COL7A1: variants seen among roughly 807,000 people sequenced by gnomAD.
COL7A1 encodes collagen alpha-1(VII) chain.
COL7A1 carries 296 observed loss-of-function variants against 456.2 expected under a neutral mutation model. The observed-to-expected ratio is 0.65, with a 90% CI of 0.59 to 0.71. The LOEUF is 0.71. COL7A1 is among the 30% of genes least tolerant of loss of function. The probability of loss-of-function intolerance (pLI) is 0.00; values close to 1 mark genes in which losing one functional copy is unlikely to be tolerated. For missense variants in COL7A1, 3,441 were observed against 4,017.2 expected, an observed-to-expected ratio of 0.86 and a Z score of 3.88; for synonymous variants, 1,464 against 1,525.9, an observed-to-expected ratio of 0.96 and a Z score of 0.95.
intron 65 of COL7A1, among the ~76,000 whole-genome samples, chr3:48,577,291 T>A (rs549486245): frequency 3.4e-4 from 52 of 152,360 alleles, no homozygotes; most frequent in African/African-American, 1.1e-3. Flanking sequence ...CATTTATGCA[T>A]CTCTGGGTTG....
chr3:48,573,604 C>G lies in COL7A1; in HGVS notation c.6574-47G>C. On this transcript the variant is annotated intron_variant, in intron 82 of 118. Coordinates refer to ENST00000681320, the MANE Select transcript of COL7A1 (RefSeq NM_000094.4). The surrounding 1 kb of genome is among the most constrained non-coding windows in gnomAD (Gnocchi z 5.5). ...AGGGAACAGGGCTCAGGGATTAACACAGAGAAGGCCTGGCTCATCAGCTGT... is the reference window on the plus strand; with the variant it reads ...AGGGAACAGGGCTCAGGGATTAACAGAGAGAAGGCCTGGCTCATCAGCTGT... 1 of 1,613,862 alleles carries G rather than the reference C, an allele frequency of 6.2e-7. No individual in the cohort carries two copies. Among genetic ancestry groups the G allele is most frequent in the Non-Finnish European group, 8.5e-7 (1 of 1,179,856 alleles).
chr3:48,569,409 C>G lies in COL7A1; in HGVS notation c.7652G>C (p.Gly2551Ala). The change falls in exon 103 of 119, where the codon GGA becomes GCA. Residue 2551 changes from glycine (G) to alanine (A), a missense_variant. By Grantham distance (60) the Gly-to-Ala change is moderately conservative (BLOSUM62 0). Coordinates refer to ENST00000681320, the MANE Select transcript of COL7A1 (RefSeq NM_000094.4). This position sits in a 1 kb window ranked among gnomAD's most constrained non-coding sequence, Gnocchi z 4.9. ...AGGGTCCCCATTGTCTCCCCGAGGT[C>G]CTTTGTCACCATCCAAGCCCCGAGG... ...RGPRGLDGDKGPRGDNGDPGD... is the reference protein window; with the variant it reads ...RGPRGLDGDKAPRGDNGDPGD... 6.2e-7 allele frequency: 1 copy of G among 1,614,182 alleles called. No homozygotes were observed. Among genetic ancestry groups the G allele is most frequent in the East Asian group, 2.2e-5 (1 of 44,876 alleles).
rs1197696495 is a variant in COL7A1 at position 48,580,260 on chromosome 3, C to T, written c.5097+40G>A. 1 of 1,603,620 alleles carries T rather than the reference C, an allele frequency of 6.2e-7. No individual in the cohort carries two copies. The highest frequency in any genetic ancestry group is 1.1e-5 in the South Asian group (1 of 89,610). On this transcript the variant is annotated intron_variant, in intron 56 of 118. Coordinates refer to ENST00000681320, the MANE Select transcript of COL7A1 (RefSeq NM_000094.4). The surrounding 1 kb of genome is among the most constrained non-coding windows in gnomAD (Gnocchi z 4.5). ...CACACTGGCAGCAGCGCCAGGGGAC[C>T]CTCCATCCCTTCTGAGCCCAGGACA...
rs751543889 is a variant in COL7A1, at chr3:48,590,440, C to A, written c.1906+19G>T. 1 of 1,614,114 alleles carries A rather than the reference C, an allele frequency of 6.2e-7. No homozygotes were observed. The highest frequency in any genetic ancestry group is 1.1e-5 in the South Asian group (1 of 91,082). On this transcript the variant is annotated intron_variant, in intron 15 of 118. Coordinates refer to ENST00000681320, the MANE Select transcript of COL7A1 (RefSeq NM_000094.4). This position sits in a 1 kb window ranked among gnomAD's most constrained non-coding sequence, Gnocchi z 4.6. ...CTCATTGGTCCCTTTGGCAGTCCCC[C>A]CACACACCCCACACTGACCACTGCC...
rs781342109 is a variant in COL7A1, at chr3:48,576,405, C to T, written c.5767G>A (p.Glu1923Lys). Residue 1923 changes from glutamate to lysine, a missense_variant, in exon 70 of 119, where the codon GAG becomes AAG. Glu to Lys is a moderately conservative substitution (Grantham distance 56). Around this residue, in one of 3 missense-constraint regions of COL7A1, gnomAD observed 2,084 missense variants for 2,501.3 expected, o/e 0.83. Coordinates refer to ENST00000681320, the MANE Select transcript of COL7A1 (RefSeq NM_000094.4). ...GGAAAAGGTGGGGGCCTCACCTGCT[C>T]CCCTTTGGATCCAGTCTCCCCACGG... ...GDRGETGSKG[E>K]QGLPGERGLR... The T allele has an allele frequency of 3.3e-5, 53 of 1,613,670 alleles. No homozygotes were observed. In the South Asian group the frequency reaches 5.6e-4, roughly 17 times the overall value.
Position 48,586,086 on chromosome 3 carries a change from G to C in COL7A1, c.3711C>G (p.Ser1237=), listed in dbSNP as rs1211315906. Reference sequence around the variant, plus strand: ...GCCTCTTCCAAACCTGAGTAGTGAAGGATGCCTGACACAGGGCTGTGGCCA... The same window carrying C: ...GCCTCTTCCAAACCTGAGTAGTGAACGATGCCTGACACAGGGCTGTGGCCA... ...SGLATALCQA[S]FTTQPRPEPC... is the part of the protein sequence containing the mutation. The change falls in exon 28 of 119, where the codon TCC becomes TCG. Residue 1237 remains serine (S), a synonymous_variant. Transcript: ENST00000681320. The surrounding 1 kb of genome is among the most constrained non-coding windows in gnomAD (Gnocchi z 5.1). 1.2e-6 allele frequency: 2 copies of C among 1,613,476 alleles called. No homozygotes were observed. Among genetic ancestry groups the C allele is most frequent in the African/African-American group, 1.3e-5 (1 of 74,938 alleles).
chr3:48,591,451 GCGTCCACCT>G lies in COL7A1; in HGVS notation c.1636+4_1636+12del, dbSNP rs2045692072. On this transcript the variant is annotated splice_donor_5th_base_variant and intron_variant, in intron 13 of 118. Coordinates refer to ENST00000681320, the MANE Select transcript of COL7A1 (RefSeq NM_000094.4). The surrounding 1 kb of genome is among the most constrained non-coding windows in gnomAD (Gnocchi z 7.0). The stretch of plus-strand genomic sequence containing the variant: ...AGTGTGTGTGGTGGGGGTGCTGGCT[GCGTCCACCT>G]CACCCTGGGTGCTGCGCACAATGAT... 1 of 1,612,356 alleles carries G rather than the reference GCGTCCACCT, an allele frequency of 6.2e-7. No homozygotes were observed. The highest frequency in any genetic ancestry group is 1.3e-5 in the African/African-American group (1 of 74,868).
At position 48,570,862 on chromosome 3, in the gene COL7A1, C is replaced by A. The variant is rs781689640; in HGVS notation, c.7271G>T (p.Arg2424Leu). 6.2e-7 allele frequency: 1 copy of A among 1,609,932 alleles called. No homozygotes were observed. Among genetic ancestry groups the A allele is most frequent in the African/African-American group, 1.3e-5 (1 of 75,018 alleles). ...EMGQPGPSGE[R>L]GLAGPPGREG... ...TACATGCTGTTCCCAGCCCCTCACCCGCTCTCCACTAGGGCCTGGCTGACC... is the reference window on the plus strand; with the variant it reads ...TACATGCTGTTCCCAGCCCCTCACCAGCTCTCCACTAGGGCCTGGCTGACC... Residue 2424 changes from arginine (R) to leucine (L), a missense_variant and splice_region_variant, in exon 95 of 119, where the codon CGG (arginine) becomes CTG (leucine). Transcript: ENST00000681320. The surrounding 1 kb of genome is among the most constrained non-coding windows in gnomAD (Gnocchi z 5.5).
At position 48,571,468 on chromosome 3, in the gene COL7A1, G is replaced by A. The variant is rs774470412; in HGVS notation, c.7069-190C>T. ...CCTATCTCAGGACAGCACAGACAGA[G>A]GGACGCTCAGATACTACCATAGACA... On this transcript the variant is annotated intron_variant, in intron 92 of 118. Coordinates refer to ENST00000681320, the MANE Select transcript of COL7A1 (RefSeq NM_000094.4). The surrounding 1 kb of genome is among the most constrained non-coding windows in gnomAD (Gnocchi z 4.6). 8 of 753,752 alleles carry A rather than the reference G, an allele frequency of 1.1e-5. No homozygotes were observed. Among genetic ancestry groups the A allele is most frequent in the Non-Finnish European group, 1.7e-5 (7 of 419,730 alleles). 46.7% of individuals were successfully genotyped at this position (753,752 alleles called of 1,614,324 possible). A position where few individuals can be genotyped will look rare whatever the true frequency, so the allele number is the denominator to read the frequency against.
In COL7A1 at chr3:48,587,575, C is replaced by T. The variant is rs745627185; in HGVS notation, c.2858-21G>A. The T allele has an allele frequency of 5.0e-6, 8 of 1,613,234 alleles. No individual in the cohort carries two copies. In the East Asian group the frequency reaches 1.1e-4, roughly 22 times the overall value. ...TGACTCTGAAGGAGGAATGAAAGAT[C>T]GAGGATCAGAGGCTGAGTCCTGAGA... is the stretch of plus-strand genomic sequence containing the variant. On this transcript the variant is annotated intron_variant, in intron 22 of 118. Transcript: ENST00000681320. The surrounding 1 kb of genome is among the most constrained non-coding windows in gnomAD (Gnocchi z 6.1).
rs145782204 is a variant in COL7A1 at position 48,576,768 on chromosome 3, G to A, written c.5608C>T (p.Arg1870Cys). ...CCACGCTCACCCTTGGGGCCATCAC[G>A]ACCCTGTGAAGGATGCAGCCAGCAT... Reference protein sequence around the residue: ...GDSGASGREGRDGPKGERGAP... With the variant: ...GDSGASGREGCDGPKGERGAP... The change falls in exon 68 of 119, where the codon CGT becomes TGT. Residue 1870 changes from arginine (R) to cysteine (C), a missense_variant. Physicochemically the swap from Arg to Cys is radical, Grantham distance 180 (BLOSUM62 -3). Coordinates refer to ENST00000681320, the MANE Select transcript of COL7A1 (RefSeq NM_000094.4). The A allele has an allele frequency of 7.7e-5, 124 of 1,613,408 alleles. No individual in the cohort carries two copies. The highest frequency in any genetic ancestry group is 8.9e-5 in the East Asian group (4 of 44,878).
chr3:48,576,741 C>G lies in COL7A1; in HGVS notation c.5635G>C (p.Ala1879Pro). Residue 1879 changes from alanine (A) to proline (P), a missense_variant, in exon 68 of 119, where the codon GCT becomes CCT. This residue lies in a region of COL7A1 where 2,084 missense variants were observed against 2,501.3 expected (regional missense o/e 0.83). Transcript: ENST00000681320. ...CCCTGGGGTCCAAGGATACCAGGAGCTCCACGCTCACCCTTGGGGCCATCA... is the reference window on the plus strand; with the variant it reads ...CCCTGGGGTCCAAGGATACCAGGAGGTCCACGCTCACCCTTGGGGCCATCA... ...GRDGPKGERG[A>P]PGILGPQGPP... 6.2e-7 allele frequency: 1 copy of G among 1,612,438 alleles called. No individual in the cohort carries two copies. The highest frequency in any genetic ancestry group is 1.1e-5 in the South Asian group (1 of 90,844).
Position 48,579,026 on chromosome 3 carries a change from C to T in COL7A1, c.5389-72G>A. 1.2e-6 allele frequency: 2 copies of T among 1,600,704 alleles called. No homozygotes were observed. The highest frequency in any genetic ancestry group is 1.1e-5 in the South Asian group (1 of 90,776). ...GCTCTAGTCCCTGTGAGCCTAAGGC[C>T]TGCATGGCAAGAACATGCCCCACCC... On this transcript the variant is annotated intron_variant, in intron 62 of 118. Coordinates refer to ENST00000681320, the MANE Select transcript of COL7A1 (RefSeq NM_000094.4). This position sits in a 1 kb window ranked among gnomAD's most constrained non-coding sequence, Gnocchi z 4.4.
At position 48,569,824 on chromosome 3, in the gene COL7A1, T is replaced by C; in HGVS notation, c.7521+56A>G. ...GAGGCCCCGCACCTGAATTCTAATATCATACAAGATCCACTCACCCCCCCA... is the reference window on the plus strand; with the variant it reads ...GAGGCCCCGCACCTGAATTCTAATACCATACAAGATCCACTCACCCCCCCA... On this transcript the variant is annotated intron_variant, in intron 100 of 118. Coordinates refer to ENST00000681320, the MANE Select transcript of COL7A1 (RefSeq NM_000094.4). The surrounding 1 kb of genome is among the most constrained non-coding windows in gnomAD (Gnocchi z 4.9). 1.2e-6 allele frequency: 2 copies of C among 1,614,014 alleles called. No homozygotes were observed. The highest frequency in any genetic ancestry group is 8.5e-7 in the Non-Finnish European group (1 of 1,179,978).
rs1180212048 is a variant in COL7A1 at position 48,584,539 on chromosome 3, G to A, written c.4065C>T (p.Val1355=). The A allele has an allele frequency of 1.9e-6, 3 of 1,614,104 alleles. No individual in the cohort carries two copies. The highest frequency in any genetic ancestry group is 2.5e-6 in the Non-Finnish European group (3 of 1,180,008). The part of the protein sequence containing the change: ...PKGEPGAPGQ[V]IGGEGPGLPG... ...GAAGCCCAGGTCCTTCACCTCCGAT[G>A]ACTTGTCCGGGAGCCCCCTGTAAGG... The change falls in exon 36 of 119, where the codon GTC becomes GTT. Residue 1355 remains valine, a synonymous_variant. Transcript: ENST00000681320.
At position 48,575,344 on chromosome 3, in the gene COL7A1, C is replaced by T; in HGVS notation, c.6175G>A (p.Glu2059Lys). ...GGVGEAGRPG[E>K]RGERGEKGER... The stretch of plus-strand genomic sequence containing the variant: ...TGGCCAGCCCCCAGCCTCACCCTCT[C>T]TCCTGGCCTTCCTGCCTCTCCCACA... The change falls in exon 74 of 119, where the codon GAG (glutamate) becomes AAG (lysine). Residue 2059 changes from glutamate to lysine, a missense_variant. Physicochemically the swap from Glu to Lys is moderately conservative, Grantham distance 56. Around this residue, in one of 3 missense-constraint regions of COL7A1, gnomAD observed 2,084 missense variants for 2,501.3 expected, o/e 0.83. Transcript: ENST00000681320. This position sits in a 1 kb window ranked among gnomAD's most constrained non-coding sequence, Gnocchi z 6.3. 6.4e-7 allele frequency: 1 copy of T among 1,574,166 alleles called. No homozygotes were observed. The highest frequency in any genetic ancestry group is 8.7e-7 in the Non-Finnish European group (1 of 1,155,548).
chr3:48,595,099 C>T lies in COL7A1; in HGVS notation c.61G>A (p.Val21Met), dbSNP rs377112899. ...CAGILAEAPRVRAQHRERVTC... is the reference protein window; with the variant it reads ...CAGILAEAPRMRAQHRERVTC... Reference sequence around the variant, plus strand: ...CCTCTCTCCCTGTGCTGGGCTCGCACTCGGGGCGCCTCTGCCAGGATCCCG... The same window carrying T: ...CCTCTCTCCCTGTGCTGGGCTCGCATTCGGGGCGCCTCTGCCAGGATCCCG... Residue 21 changes from valine (V) to methionine (M), a missense_variant, in exon 2 of 119, where the codon GTG (valine) becomes ATG (methionine). Around this residue, in one of 3 missense-constraint regions of COL7A1, gnomAD observed 913 missense variants for 1,088.2 expected, o/e 0.84. Transcript: ENST00000681320. 4.5e-6 allele frequency: 7 copies of T among 1,552,984 alleles called. No individual in the cohort carries two copies. Among genetic ancestry groups the T allele is most frequent in the Non-Finnish European group, 6.1e-6 (7 of 1,148,462 alleles).
At position 48,587,032 on chromosome 3, in the gene COL7A1, C is replaced by G. The variant is rs763386437; in HGVS notation, c.3216G>C (p.Thr1072=). Residue 1072 remains threonine (T), a synonymous_variant, in exon 25 of 119, where the codon ACG becomes ACC. Coordinates refer to ENST00000681320, the MANE Select transcript of COL7A1 (RefSeq NM_000094.4). The surrounding 1 kb of genome is among the most constrained non-coding windows in gnomAD (Gnocchi z 6.1). The part of the protein sequence containing the change: ...TQDNAHRAEA[T]RRVLERLVLA... ...ACACCAGACGCTCCAGGACCCTCCT[C>G]GTAGCCTCCGCACGGTGAGCATTGT... The G allele has an allele frequency of 1.2e-6, 2 of 1,606,376 alleles. No homozygotes were observed. Among genetic ancestry groups the G allele is most frequent in the Non-Finnish European group, 1.7e-6 (2 of 1,176,444 alleles).
rs781260864 is a variant in COL7A1, at chr3:48,591,889, C to T, written c.1357+9G>A. ...ACCCTTGCCTGTCCATCCCTTCCCC[C>T]GCACTGACCAGTCTCACGCCGCCAT... On this transcript the variant is annotated intron_variant, in intron 11 of 118. Coordinates refer to ENST00000681320, the MANE Select transcript of COL7A1 (RefSeq NM_000094.4). This position sits in a 1 kb window ranked among gnomAD's most constrained non-coding sequence, Gnocchi z 7.0. 14 of 1,614,064 alleles carry T rather than the reference C, an allele frequency of 8.7e-6. No individual in the cohort carries two copies. Among genetic ancestry groups the T allele is most frequent in the East Asian group, 6.7e-5 (3 of 44,886 alleles).
Sources: gnomAD v4.1 joint callset for allele counts (sites outside exome capture counted in the v4.1 genomes callset) on GRCh38, gnomAD v4.1.1 for gene constraint, gnomAD v4.1.1 regional missense constraint, Gnocchi (gnomAD v3.1) non-coding constraint, MANE v1.5 for transcripts, NCBI Gene and HGNC (gene_info 2026-07-23, HGNC 2026-07-21) for gene names.